CLYBL: variants seen among roughly 807,000 people sequenced by gnomAD.
CLYBL encodes citramalyl-CoA lyase, mitochondrial.
In CLYBL, 31 loss-of-function variants were observed where a neutral mutation model predicts 38.9. That is an observed-to-expected ratio of 0.80 (90% CI 0.60 to 1.08). The LOEUF is 1.08. CLYBL is among the 50% of genes least tolerant of loss of function. The pLI is 0.00. For missense variants in CLYBL, 434 were observed against 411.6 expected, an observed-to-expected ratio of 1.05 and a Z score of -0.47; for synonymous variants, 171 against 158.6, an observed-to-expected ratio of 1.08 and a Z score of -0.59.
chr13:99,732,635 T>C (rs189811218), intron 1 of CLYBL, among the ~76,000 whole-genome samples: 1 of 152,324 alleles, frequency 6.6e-6, no homozygotes, highest in East Asian at 1.9e-4. Context: ...GTTTCTGATC[T>C]CAGGGAACAT....
At chr13:99,887,245 C>CG (rs398038972) in intron 7 of CLYBL, among the ~76,000 whole-genome samples, 1 of 152,132 alleles carries the variant, frequency 6.6e-6, no homozygotes, top group Admixed American at 6.5e-5. Flanking sequence ...AAGTCCCCCC[C>CG]GCCCATTGTT....
At chr13:99,644,036 C>CATAAT (rs2047135852) in intron 1 of CLYBL, among the ~76,000 whole-genome samples, 1 of 142,302 alleles carries the variant, frequency 7.0e-6, no homozygotes, top group African/African-American at 2.6e-5. Context: ...AGAACTGTAA[C>CATAAT]ATAATAGGAA....
intron 1 of CLYBL, among the ~76,000 whole-genome samples, chr13:99,765,562 T>C (rs1460419319): frequency 6.6e-6 from 1 of 152,136 alleles, no homozygotes; most frequent in Non-Finnish European, 1.5e-5. Context: ...AATTTTGTCT[T>C]TTTTCTTTCC....
intron 1 of CLYBL, among the ~76,000 whole-genome samples, chr13:99,649,137 T>C (rs1190728250): frequency 6.6e-6 from 1 of 152,134 alleles, no homozygotes; most frequent in Non-Finnish European, 1.5e-5. Context: ...AAAATGGCAA[T>C]GATTTATTAG....
At chr13:99,715,692 ACCCACTACCCTG>A (rs1404503818) in intron 1 of CLYBL, among the ~76,000 whole-genome samples, 1 of 152,076 alleles carries the variant, frequency 6.6e-6, no homozygotes, top group Non-Finnish European at 1.5e-5. Flanking sequence ...TTTTGTTCCA[ACCCACTACCCTG>A]CCTTCAGAGA....
intron 1 of CLYBL, among the ~76,000 whole-genome samples, chr13:99,640,651 G>A (rs1196648693): frequency 5.3e-5 from 8 of 152,202 alleles, no homozygotes; most frequent in Non-Finnish European, 1.0e-4. Context: ...TATTACAGAC[G>A]CAACATGGTT....
intron 7 of CLYBL, among the ~76,000 whole-genome samples, chr13:99,876,069 CTT>C (rs10625169): frequency 1.9e-5 from 2 of 106,662 alleles, no homozygotes; most frequent in Non-Finnish European, 1.8e-5. Flanking sequence ...TTCTATTTCA[CTT>C]TTTTTTTTTT....
At chr13:99,864,951 G>A in intron 5 of CLYBL, 40 bp downstream of exon 5, 1 of 1,284,228 alleles carries the variant, frequency 7.8e-7, no homozygotes, top group South Asian at 1.2e-5. Context: ...CTGTGTGTGT[G>A]TGTGTATATG....
chr13:99,645,170 C>G (rs1047341325), intron 1 of CLYBL, among the ~76,000 whole-genome samples: 1 of 152,132 alleles, frequency 6.6e-6, no homozygotes, highest in Admixed American at 6.6e-5. Flanking sequence ...TCCATATCCT[C>G]GCTAGCATTT....
intron 1 of CLYBL, among the ~76,000 whole-genome samples, chr13:99,675,935 C>T (rs912763623): frequency 6.6e-6 from 1 of 152,234 alleles, no homozygotes; most frequent in Non-Finnish European, 1.5e-5. Flanking sequence ...CTCACTGCAA[C>T]CTCCACCTCC....
In CLYBL at chr13:99,688,431, G is replaced by A. The variant is rs896854241; in HGVS notation, c.62+81674G>A. Among the ~76,000 whole-genome samples, 4 of 152,118 alleles carry A rather than the reference G, an allele frequency of 2.6e-5. No homozygotes were observed. The East Asian group carries it at 7.7e-4, about 29-fold the overall frequency. On this transcript the variant is annotated intron_variant, in intron 1 of 8. Transcript: ENST00000339105. Reference sequence around the variant, plus strand: ...GTGATTTCATATACTTTGTAAGATTGCCTTAAATGTATTGCCTTCTTGGCA... The same window carrying A: ...GTGATTTCATATACTTTGTAAGATTACCTTAAATGTATTGCCTTCTTGGCA...
chr13:99,873,919 G>T (rs2051970983), intron 7 of CLYBL, among the ~76,000 whole-genome samples: 1 of 152,114 alleles, frequency 6.6e-6, no homozygotes, highest in Admixed American at 6.5e-5. Context: ...ATAAAGTTTG[G>T]TGTCCTTGGT....
At chr13:99,690,332 G>A (rs1309876453) in intron 1 of CLYBL, 2 of 152,116 alleles carry the variant, frequency 1.3e-5, no homozygotes, top group Admixed American at 6.6e-5. Context: ...TTCTGTCTTT[G>A]CTTTAAGATC....
chr13:99,771,566 G>C (rs2049396273), intron 1 of CLYBL, among the ~76,000 whole-genome samples: 1 of 152,160 alleles, frequency 6.6e-6, no homozygotes, highest in South Asian at 2.1e-4. Context: ...TATGGGAGCT[G>C]ATTTCATCTT....
At chr13:99,855,651 G>A (rs530153028) in intron 2 of CLYBL, among the ~76,000 whole-genome samples, 1 of 148,288 alleles carries the variant, frequency 6.7e-6, no homozygotes, top group South Asian at 2.1e-4. Context: ...ACAACTGGGT[G>A]GACTGTGACT....
chr13:99,738,905 G>A (rs183237268), intron 1 of CLYBL, among the ~76,000 whole-genome samples: 25 of 152,240 alleles, frequency 1.6e-4, no homozygotes, highest in Admixed American at 1.3e-4. Context: ...TGTGACTCTC[G>A]TGCTGTTAAC....
intron 1 of CLYBL, among the ~76,000 whole-genome samples, chr13:99,686,338 G>A (rs746518350): frequency 1.3e-5 from 2 of 152,160 alleles, no homozygotes; most frequent in Non-Finnish European, 1.5e-5. Flanking sequence ...TCACCGGCTC[G>A]GCCCAGCACC....
intron 1 of CLYBL, among the ~76,000 whole-genome samples, chr13:99,742,644 G>C (rs2048775724): frequency 6.6e-6 from 1 of 152,150 alleles, no homozygotes; most frequent in African/African-American, 2.4e-5. Context: ...CTTTTAAAAA[G>C]TACTTTTCAC....
chr13:99,768,233 A>G (rs895097418), intron 1 of CLYBL, among the ~76,000 whole-genome samples: 77 of 117,712 alleles, frequency 6.5e-4, no homozygotes, highest in Middle Eastern at 8.5e-3. Flanking sequence ...TTGCTCTGTC[A>G]CCCAGGCTGG....
Sources: allele counts gnomAD v4.1 joint callset (sites outside exome capture counted in the v4.1 genomes callset), GRCh38; gene constraint gnomAD v4.1.1; transcripts MANE v1.5; gene names NCBI Gene and HGNC (gene_info 2026-07-23, HGNC 2026-07-21).